CACNA2D1: variants seen among roughly 807,000 people sequenced by gnomAD.
CACNA2D1 encodes voltage-dependent calcium channel subunit alpha-2/delta-1.
CACNA2D1 carries 53 observed loss-of-function variants against 171.5 expected under a neutral mutation model. The ratio of observed to expected loss-of-function variants is 0.31; its 90% CI spans 0.25 to 0.39. The LOEUF (loss-of-function observed/expected upper bound fraction) is 0.39. Ranked by LOEUF, CACNA2D1 falls within the 10% of genes least tolerant of loss-of-function variation. The pLI is 1.00. For synonymous variants in CACNA2D1, 442 were observed against 443.1 expected (o/e 1.00, Z 0.03); for missense variants, 903 against 1,299.8 (o/e 0.69, Z 4.69).
chr7:81,995,872 G>T (rs1437251109), intron 19 of CACNA2D1, among the ~76,000 whole-genome samples: 1 of 150,950 alleles, frequency 6.6e-6, no homozygotes, highest in East Asian at 1.9e-4. Flanking sequence ...ATTCTCAGAA[G>T]TTTCCTCAAC....
chr7:82,072,876 A>G (rs553190345), intron 7 of CACNA2D1, among the ~76,000 whole-genome samples: 61 of 152,268 alleles, frequency 4.0e-4, no homozygotes, highest in African/African-American at 1.5e-3. Flanking sequence ...ACTTAGAACC[A>G]TAGTTGGCAC....
chr7:82,367,082 T>C (rs1204664620), intron 1 of CACNA2D1, among the ~76,000 whole-genome samples: 1 of 151,228 alleles, frequency 6.6e-6, no homozygotes, highest in Non-Finnish European at 1.5e-5. Context: ...ATTTGTTTTT[T>C]AATTTTTTGT....
At chr7:82,297,071 CCAAAA>C (rs1812378012) in intron 3 of CACNA2D1, among the ~76,000 whole-genome samples, 3 of 34,396 alleles carry the variant, frequency 8.7e-5, no homozygotes, top group South Asian at 1.1e-3. Context: ...TCTGTGTCTA[CCAAAA>C]AAAAAAAAAA....
chr7:82,084,107 T>G (rs1810144936), intron 7 of CACNA2D1, among the ~76,000 whole-genome samples: 1 of 152,198 alleles, frequency 6.6e-6, no homozygotes, highest in Non-Finnish European at 1.5e-5. Flanking sequence ...CAATAGGTTT[T>G]CAGGATGTCC....
chr7:82,018,574 A>G (rs1800791496), intron 12 of CACNA2D1, among the ~76,000 whole-genome samples: 1 of 152,150 alleles, frequency 6.6e-6, no homozygotes, highest in African/African-American at 2.4e-5. Context: ...TACTTAGTAC[A>G]CTTATTTATG....
intron 38 of CACNA2D1, 108 bp from the exon 39 acceptor site, chr7:81,950,616 A>C: frequency 7.0e-7 from 1 of 1,434,982 alleles, no homozygotes; most frequent in South Asian, 1.4e-5. Flanking sequence ...TCACTTTCTG[A>C]ACTTACCTTA....
At chr7:82,114,760 GAAAAAAA>G (rs34240770) in intron 6 of CACNA2D1, among the ~76,000 whole-genome samples, 1 of 103,112 alleles carries the variant, frequency 9.7e-6, no homozygotes, top group East Asian at 2.9e-4. Context: ...CGTCCCAGAA[GAAAAAAA>G]AAAAAAAAAA....
chr7:82,137,730 A>AAAAAAAAAAAAAAAAAAAC, intron 4 of CACNA2D1, among the ~76,000 whole-genome samples: 1 of 143,926 alleles, frequency 6.9e-6, no homozygotes, highest in South Asian at 2.2e-4. Flanking sequence ...AAAAAAAAAA[A>AAAAAAAAAAAAAAAAAAAC]TTAGCCGGGC....
At chr7:82,035,211 T>C (rs1008502366) in intron 11 of CACNA2D1, among the ~76,000 whole-genome samples, 21 of 152,118 alleles carry the variant, frequency 1.4e-4, no homozygotes, top group Admixed American at 1.2e-3. Flanking sequence ...GAAAAATGCA[T>C]ATATATGGTA....
chr7:82,363,254 C>CTCTTTTTTTTT (rs1821286522), intron 1 of CACNA2D1, among the ~76,000 whole-genome samples: 19 of 63,432 alleles, frequency 3.0e-4, no homozygotes, highest in African/African-American at 1.6e-3. Flanking sequence ...TTATTTGTCT[C>CTCTTTTTTTTT]TTTTTTTTTT....
At chr7:82,211,678 A>C (rs576592367) in intron 3 of CACNA2D1, among the ~76,000 whole-genome samples, 1 of 152,312 alleles carries the variant, frequency 6.6e-6, no homozygotes, top group African/African-American at 2.4e-5. Flanking sequence ...ATACAAGTGC[A>C]TGTGTTTTTT....
chr7:82,104,244 TAC>T (rs952757252), intron 6 of CACNA2D1, among the ~76,000 whole-genome samples: 7 of 152,076 alleles, frequency 4.6e-5, no homozygotes, highest in Admixed American at 2.6e-4. Context: ...TGTTTATATG[TAC>T]ACAGTTCCAT....
intron 3 of CACNA2D1, among the ~76,000 whole-genome samples, chr7:82,268,882 G>A (rs1386775560): frequency 2.0e-5 from 3 of 152,166 alleles, no homozygotes; most frequent in African/African-American, 7.2e-5. Context: ...CAGAGCTCCC[G>A]ATGTACAAGA....
intron 10 of CACNA2D1, among the ~76,000 whole-genome samples, chr7:82,052,035 G>T (rs1805251301): frequency 6.6e-6 from 1 of 152,218 alleles, no homozygotes. Context: ...TTTTTAAAAA[G>T]AATGAAAGAA....
intron 21 of CACNA2D1, among the ~76,000 whole-genome samples, chr7:81,986,789 T>C (rs1325345751): frequency 6.6e-6 from 1 of 152,090 alleles, no homozygotes; most frequent in Non-Finnish European, 1.5e-5. Flanking sequence ...AGGCAGAGAT[T>C]AAAATTAAAA....
intron 3 of CACNA2D1, among the ~76,000 whole-genome samples, chr7:82,307,410 G>A (rs1813872172): frequency 1.3e-5 from 2 of 151,734 alleles, no homozygotes; most frequent in Admixed American, 1.3e-4. Context: ...TCCCGCCTCT[G>A]CCTCCCAAAG....
intron 1 of CACNA2D1, among the ~76,000 whole-genome samples, chr7:82,371,293 T>G (rs1822379575): frequency 6.6e-6 from 1 of 152,198 alleles, no homozygotes; most frequent in South Asian, 2.1e-4. Context: ...GTTCATGCGC[T>G]CTGGGCTAGA....
chr7:82,325,952 G>T (rs994272222), intron 3 of CACNA2D1, among the ~76,000 whole-genome samples: 6 of 152,118 alleles, frequency 3.9e-5, no homozygotes, highest in African/African-American at 1.4e-4. Flanking sequence ...GCATCCCAAA[G>T]ATATGTACAT....
intron 1 of CACNA2D1, among the ~76,000 whole-genome samples, chr7:82,402,728 AAAAAG>A (rs1376646547): frequency 5.4e-5 from 8 of 147,568 alleles, no homozygotes; most frequent in African/African-American, 1.8e-4. Context: ...AAAAAAAAAA[AAAAAG>A]AAGAAGAAGT....
Sources: gnomAD v4.1 joint callset for allele counts (sites outside exome capture counted in the v4.1 genomes callset) on GRCh38, gnomAD v4.1.1 for gene constraint, MANE v1.5 for transcripts, NCBI Gene and HGNC (gene_info 2026-07-23, HGNC 2026-07-21) for gene names.